PXDNL: variants seen among roughly 807,000 people sequenced by gnomAD.
PXDNL encodes probable oxidoreductase PXDNL.
Under a neutral mutation model 150.8 loss-of-function variants are expected in PXDNL, and 145 were observed. That is an observed-to-expected ratio of 0.96 (90% CI 0.84 to 1.10). The LOEUF (loss-of-function observed/expected upper bound fraction) is 1.10, where lower values mean the gene tolerates loss of function less well. Ranked by LOEUF, PXDNL falls within the 50% of genes least tolerant of loss-of-function variation. PXDNL has a pLI of 0.00. For synonymous variants in PXDNL, 757 were observed against 725.7 expected (o/e 1.04, Z -0.69); for missense variants, 2,087 against 1,873.9 (o/e 1.11, Z -2.10).
At chr8:51,421,140 C>T (rs1808941607) in intron 14 of PXDNL, among the ~76,000 whole-genome samples, 1 of 152,118 alleles carries the variant, frequency 6.6e-6, no homozygotes, top group South Asian at 2.1e-4. Flanking sequence ...AGGGGCAATA[C>T]AGAGAGAGAG....
At chr8:51,382,191 C>T (rs1190723650) in intron 17 of PXDNL, among the ~76,000 whole-genome samples, 1 of 152,130 alleles carries the variant, frequency 6.6e-6, no homozygotes, top group Non-Finnish European at 1.5e-5. Flanking sequence ...AGTGAGAATG[C>T]TGTCCTACAG....
intron 2 of PXDNL, among the ~76,000 whole-genome samples, chr8:51,644,881 C>T (rs957838262): frequency 4.6e-5 from 7 of 151,690 alleles, no homozygotes; most frequent in South Asian, 2.1e-4. Flanking sequence ...TAGGTTATGG[C>T]GGGGACACGG....
chr8:51,688,597 A>G (rs1370970769), intron 1 of PXDNL, among the ~76,000 whole-genome samples: 1 of 152,168 alleles, frequency 6.6e-6, no homozygotes, highest in East Asian at 1.9e-4. Flanking sequence ...TGACAGCAAC[A>G]ACATCCAATG....
At chr8:51,683,632 A>G (rs935467009) in intron 1 of PXDNL, among the ~76,000 whole-genome samples, 5 of 152,134 alleles carry the variant, frequency 3.3e-5, no homozygotes, top group African/African-American at 1.2e-4. Context: ...GTTCATAAGT[A>G]AGATCCTGGA....
chr8:51,557,389 G>A (rs887946331), intron 3 of PXDNL, among the ~76,000 whole-genome samples: 2 of 152,132 alleles, frequency 1.3e-5, no homozygotes, highest in African/African-American at 4.8e-5. Flanking sequence ...AATCTGCAGG[G>A]AAGAATACTA....
Position 51,408,119 on chromosome 8 carries a change from C to CA in PXDNL, c.3504dup (p.Glu1169Ter). On this transcript the variant is annotated frameshift_variant, in exon 17 of 23. Coordinates refer to ENST00000356297, the MANE Select transcript of PXDNL (RefSeq NM_144651.5). LOFTEE classifies it high-confidence loss of function. ...TCTTTAATTTCATTTTGAAGATCCT[C>CA]AAAGTTCTTAACTGAAGTCAAATTA... 6.2e-7 allele frequency: 1 copy of CA among 1,611,284 alleles called. No homozygotes were observed. The highest frequency in any genetic ancestry group is 8.5e-7 in the Non-Finnish European group (1 of 1,179,212).
intron 1 of PXDNL, among the ~76,000 whole-genome samples, chr8:51,732,339 C>T (rs1356867461): frequency 3.3e-5 from 5 of 152,188 alleles, no homozygotes; most frequent in Admixed American, 6.5e-5. Context: ...AATTCCAGTT[C>T]CCAACAAGTT....
intron 19 of PXDNL, among the ~76,000 whole-genome samples, chr8:51,362,447 T>G (rs982738621): frequency 3.9e-5 from 6 of 152,232 alleles, no homozygotes; most frequent in Non-Finnish European, 8.8e-5. Flanking sequence ...ATAAAGGAAA[T>G]CTCCATTTTT....
chr8:51,761,153 G>C (rs1414402899), intron 1 of PXDNL, among the ~76,000 whole-genome samples: 1 of 151,406 alleles, frequency 6.6e-6, no homozygotes, highest in East Asian at 1.9e-4. Flanking sequence ...GATTACAGGC[G>C]TGAGCCACCG....
chr8:51,610,646 C>T (rs1466317025), intron 2 of PXDNL, among the ~76,000 whole-genome samples: 1 of 152,168 alleles, frequency 6.6e-6, no homozygotes, highest in Non-Finnish European at 1.5e-5. Context: ...GGCTCTGTTG[C>T]ATCCTCTGCT....
chr8:51,421,418 G>A (rs954015354), intron 14 of PXDNL, among the ~76,000 whole-genome samples: 14 of 152,278 alleles, frequency 9.2e-5, no homozygotes, highest in Admixed American at 2.6e-4. Context: ...AGAAACTTTA[G>A]GTCAGGCGAA....
intron 12 of PXDNL, among the ~76,000 whole-genome samples, chr8:51,427,053 T>G (rs922736842): frequency 7.9e-5 from 12 of 152,210 alleles, no homozygotes; most frequent in African/African-American, 2.9e-4. Flanking sequence ...TTCATTATTC[T>G]TTCTCAGTAC....
At chr8:51,601,347 G>T (rs1813716621) in intron 2 of PXDNL, among the ~76,000 whole-genome samples, 1 of 151,948 alleles carries the variant, frequency 6.6e-6, no homozygotes, top group Non-Finnish European at 1.5e-5. Flanking sequence ...ATTACTGTGT[G>T]GCTGTCTAAG....
At chr8:51,517,321 T>C (rs1225401104) in intron 4 of PXDNL, among the ~76,000 whole-genome samples, 2 of 152,134 alleles carry the variant, frequency 1.3e-5, no homozygotes, top group Non-Finnish European at 2.9e-5. Context: ...ATAGATGCCA[T>C]ATCATAATCA....
chr8:51,532,442 A>G (rs1563452745), intron 4 of PXDNL, among the ~76,000 whole-genome samples: 1 of 152,240 alleles, frequency 6.6e-6, no homozygotes, highest in Non-Finnish European at 1.5e-5. Flanking sequence ...CACAGTTACT[A>G]CAGCATTAAT....
chr8:51,641,959 A>AT (rs1419544461), intron 2 of PXDNL, among the ~76,000 whole-genome samples: 3 of 152,184 alleles, frequency 2.0e-5, no homozygotes, highest in African/African-American at 7.2e-5. Flanking sequence ...ACCAACCCAA[A>AT]TGTCCAACAA....
At chr8:51,541,528 T>A (rs1812217224) in intron 4 of PXDNL, among the ~76,000 whole-genome samples, 1 of 152,162 alleles carries the variant, frequency 6.6e-6, no homozygotes, top group Non-Finnish European at 1.5e-5. Context: ...GAATTTTTAC[T>A]GGTTCTTTTC....
At chr8:51,494,213 T>A (rs1334951142) in intron 5 of PXDNL, among the ~76,000 whole-genome samples, 2 of 152,132 alleles carry the variant, frequency 1.3e-5, no homozygotes, top group African/African-American at 4.8e-5. Context: ...TAAAATACTT[T>A]ACAGACAAAC....
intron 16 of PXDNL, among the ~76,000 whole-genome samples, chr8:51,410,647 T>C (rs181568995): frequency 6.6e-6 from 1 of 152,224 alleles, no homozygotes; most frequent in East Asian, 1.9e-4. Context: ...AAATAGTATA[T>C]AGCAAAGAAT....
Sources: gnomAD v4.1 joint callset for allele counts (sites outside exome capture counted in the v4.1 genomes callset) on GRCh38, gnomAD v4.1.1 for gene constraint, MANE v1.5 for transcripts, NCBI Gene and HGNC (gene_info 2026-07-23, HGNC 2026-07-21) for gene names.